Variants in BRCA1 observed in about 807,000 individuals in gnomAD.
BRCA1 encodes breast cancer type 1 susceptibility protein.
In BRCA1, 140 loss-of-function variants were observed where a neutral mutation model predicts 173.7. The ratio of observed to expected loss-of-function variants is 0.81; its 90% CI spans 0.70 to 0.93. The LOEUF (loss-of-function observed/expected upper bound fraction) is 0.93, where lower values mean the gene tolerates loss of function less well. Among genes scored for constraint, BRCA1 ranks in the 40% least tolerant of loss-of-function variants. The pLI is 0.00. For missense variants in BRCA1, 1,983 were observed against 2,172.5 expected, an observed-to-expected ratio of 0.91 and a Z score of 1.73; for synonymous variants, 662 against 756.0, an observed-to-expected ratio of 0.88 and a Z score of 2.04.
rs34545365 is a variant in BRCA1 at position 43,099,794 on chromosome 17, C to T, written c.528G>A (p.Thr176=). Residue 176 remains threonine (T), a synonymous_variant, in exon 7 of 23, where the codon ACG becomes ACA. Coordinates refer to ENST00000357654, the MANE Select transcript of BRCA1 (RefSeq NM_007294.4). ...CCTTACCCAATTCAATGTAGACAGA[C>T]GTCTTTTGAGGTTGTATCCGCTGCT... is the stretch of plus-strand genomic sequence containing the variant. The part of the protein sequence containing the change: ...RTKQRIQPQK[T]SVYIELGSDS... The T allele has an allele frequency of 5.3e-5, 85 of 1,610,252 alleles. No individual in the cohort carries two copies. The highest frequency in any genetic ancestry group is 4.7e-4 in the African/African-American group (35 of 74,894).
intron 15 of BRCA1, among the ~76,000 whole-genome samples, chr17:43,068,815 C>T (rs994573968): frequency 3.3e-5 from 5 of 152,044 alleles, no homozygotes; most frequent in Non-Finnish European, 5.9e-5. Context: ...AGTGCAAAAG[C>T]GATCAATTCT....
intron 1 of BRCA1, among the ~76,000 whole-genome samples, chr17:43,147,911 G>A (rs12950607): frequency 2.0e-5 from 3 of 151,840 alleles, no homozygotes; most frequent in Non-Finnish European, 4.4e-5. Flanking sequence ...GAACAGGCAC[G>A]ACAAACTTTC....
At chr17:43,128,175 A>G (rs1036998716), upstream of BRCA1, among the ~76,000 whole-genome samples, 3 of 138,130 alleles carry the variant, frequency 2.2e-5, no homozygotes, top group African/African-American at 7.7e-5. Context: ...CATAGCATTT[A>G]TCTGCTGGTA....
intron 1 of BRCA1, chr17:43,132,687 C>T (rs767160583): frequency 2.6e-5 from 4 of 151,816 alleles, no homozygotes; most frequent in Admixed American, 2.6e-4. Flanking sequence ...AAGCAATTCT[C>T]CTGCTTCAGC....
intron 3 of BRCA1, among the ~76,000 whole-genome samples, chr17:43,115,061 A>G (rs1001132185): frequency 6.6e-6 from 1 of 152,190 alleles, no homozygotes; most frequent in African/African-American, 2.4e-5. Flanking sequence ...AGAAGGGGGA[A>G]TGCATAAGGA....
chr17:43,149,891 C>T (rs2154581595), intron 1 of BRCA1, among the ~76,000 whole-genome samples: 1 of 152,160 alleles, frequency 6.6e-6, no homozygotes, highest in Non-Finnish European at 1.5e-5. Context: ...TGGGTTCAAG[C>T]AATTCTCCTG....
At position 43,094,150 on chromosome 17, in the gene BRCA1, A is replaced by G. The variant is rs62625300; in HGVS notation, c.1381T>C (p.Phe461Leu). The G allele has an allele frequency of 6.2e-6, 10 of 1,613,934 alleles. No individual in the cohort carries two copies. Among genetic ancestry groups the G allele is most frequent in the South Asian group, 1.1e-5 (1 of 91,082 alleles). Residue 461 changes from phenylalanine to leucine, a missense_variant, in exon 10 of 23, where the codon TTT (phenylalanine) becomes CTT (leucine). Coordinates refer to ENST00000357654, the MANE Select transcript of BRCA1 (RefSeq NM_007294.4). ...GCCTTCTTCCGATAGGTTTTCCCAAATATTTTGTCTTCAATATTACTCTCT... is the reference window on the plus strand; with the variant it reads ...GCCTTCTTCCGATAGGTTTTCCCAAGTATTTTGTCTTCAATATTACTCTCT... ...SVESNIEDKI[F>L]GKTYRKKASL...
At position 43,095,935 on chromosome 17, in the gene BRCA1, G is replaced by T. The variant is rs2154515466; in HGVS notation, c.594-13C>A. On this transcript the variant is annotated splice_polypyrimidine_tract_variant and intron_variant, in intron 8 of 22. Coordinates refer to ENST00000357654, the MANE Select transcript of BRCA1 (RefSeq NM_007294.4). ...TTGATCTCCCACACTATAGGGAAAAGACAGAGTCCTAATAAGAAACACTAG... is the reference window on the plus strand; with the variant it reads ...TTGATCTCCCACACTATAGGGAAAATACAGAGTCCTAATAAGAAACACTAG... 6.3e-7 allele frequency: 1 copy of T among 1,599,464 alleles called. No individual in the cohort carries two copies. The highest frequency in any genetic ancestry group is 8.6e-7 in the Non-Finnish European group (1 of 1,167,380).
chr17:43,061,856 A>T (rs2051774854), intron 18 of BRCA1, among the ~76,000 whole-genome samples: 1 of 152,144 alleles, frequency 6.6e-6, no homozygotes, highest in Non-Finnish European at 1.5e-5. Flanking sequence ...AAGTGCTGGG[A>T]TTATAGGCAT....
At position 43,099,807 on chromosome 17, in the gene BRCA1, T is replaced by C. The variant is rs1555594863; in HGVS notation, c.515A>G (p.Gln172Arg). 1.9e-6 allele frequency: 3 copies of C among 1,613,394 alleles called. No individual in the cohort carries two copies. The highest frequency in any genetic ancestry group is 1.7e-6 in the Non-Finnish European group (2 of 1,179,320). ...VRTLRTKQRIQPQKTSVYIEL... is the reference protein window; with the variant it reads ...VRTLRTKQRIRPQKTSVYIEL... Reference sequence around the variant, plus strand: ...AATGTAGACAGACGTCTTTTGAGGTTGTATCCGCTGCTTTGTCCTCAGAGT... The same window carrying C: ...AATGTAGACAGACGTCTTTTGAGGTCGTATCCGCTGCTTTGTCCTCAGAGT... The change falls in exon 7 of 23, where the codon CAA becomes CGA. Residue 172 changes from glutamine (Q) to arginine (R), a missense_variant. Physicochemically the swap from Gln to Arg is conservative, Grantham distance 43 (BLOSUM62 1). Transcript: ENST00000357654.
Position 43,044,315 on chromosome 17 carries a change from T to A in BRCA1, c.*1363A>T, listed in dbSNP as rs1332532415. 2.1e-6 allele frequency: 1 copy of A among 478,040 alleles called. No homozygotes were observed. The highest frequency in any genetic ancestry group is 4.1e-6 in the Non-Finnish European group (1 of 241,616). 29.6% of individuals were successfully genotyped at this position (478,040 alleles called of 1,614,324 possible). A position where few individuals can be genotyped will look rare whatever the true frequency, so the allele number is the denominator to read the frequency against. The stretch of plus-strand genomic sequence containing the variant: ...CATGGTGGAAGTGTTTGCTACCAAG[T>A]TTATTTGCAGTGTTAACAGCACAAC... On this transcript the variant is annotated 3_prime_UTR_variant, in exon 23 of 23. Transcript: ENST00000357654.
At chr17:43,046,032 C>T (rs1444403802) in intron 22 of BRCA1, among the ~76,000 whole-genome samples, 1 of 151,708 alleles carries the variant, frequency 6.6e-6, no homozygotes, top group Non-Finnish European at 1.5e-5. Flanking sequence ...AGCAATTCTC[C>T]TGTCTCTGCC....
At chr17:43,076,405 T>C (rs1315066308) in intron 13 of BRCA1, 83 bp downstream of exon 13, 28 of 1,540,600 alleles carry the variant, frequency 1.8e-5, no homozygotes, top group Non-Finnish European at 2.5e-5. Flanking sequence ...CTGGAGAAAG[T>C]ATGGTGAAAA....
intron 1 of BRCA1, among the ~76,000 whole-genome samples, chr17:43,146,953 T>G (rs1214636595): frequency 2.0e-5 from 3 of 151,862 alleles, no homozygotes; most frequent in African/African-American, 7.3e-5. Flanking sequence ...TTACCCCGCA[T>G]CACTGTTGAA....
Position 43,044,827 on chromosome 17 carries a change from CCA to C in BRCA1, c.*849_*850del, listed in dbSNP as rs2050805803. The stretch of plus-strand genomic sequence containing the variant: ...TCCTTTTTTTTTTTTTTTTTTTGAG[CCA>C]CAGTCTCACTGTCACCCAGGCTGGA... On this transcript the variant is annotated 3_prime_UTR_variant, in exon 23 of 23. Transcript: ENST00000357654. 1 of 432,476 alleles carries C rather than the reference CCA, an allele frequency of 2.3e-6. No homozygotes were observed. The highest frequency in any genetic ancestry group is 4.4e-6 in the Non-Finnish European group (1 of 229,192). 26.8% of individuals were successfully genotyped at this position (432,476 alleles called of 1,614,324 possible).
At chr17:43,058,427 G>T (rs2051608013) in intron 18 of BRCA1, among the ~76,000 whole-genome samples, 2 of 151,910 alleles carry the variant, frequency 1.3e-5, no homozygotes, top group African/African-American at 4.8e-5. Flanking sequence ...GAAAGAAAAA[G>T]AATTGCTGGG....
At chr17:43,076,296 T>C (rs1470657705) in intron 13 of BRCA1, among the ~76,000 whole-genome samples, 192 bp downstream of exon 13, 1 of 152,070 alleles carries the variant, frequency 6.6e-6, no homozygotes, top group African/African-American at 2.4e-5. Flanking sequence ...ACATTTCTCA[T>C]GTTGTAGCTT....
chr17:43,056,888 T>C (rs2051484985), intron 19 of BRCA1, among the ~76,000 whole-genome samples, 164 bp downstream of exon 19: 1 of 152,216 alleles, frequency 6.6e-6, no homozygotes, highest in Non-Finnish European at 1.5e-5. Flanking sequence ...TACTTATTTA[T>C]GTGGTTGGGA....
intron 11 of BRCA1, among the ~76,000 whole-genome samples, chr17:43,084,713 T>C (rs2154185542): frequency 6.6e-6 from 1 of 152,334 alleles, no homozygotes; most frequent in East Asian, 1.9e-4. Flanking sequence ...CTACTGCTAC[T>C]CTAACACTGC....
Sources: gnomAD v4.1 joint callset for allele counts (sites outside exome capture counted in the v4.1 genomes callset) on GRCh38, gnomAD v4.1.1 for gene constraint, MANE v1.5 for transcripts, NCBI Gene and HGNC (gene_info 2026-07-23, HGNC 2026-07-21) for gene names.